The following PLPPR1 variants were observed in gnomAD, a reference collection of about 807,000 sequenced individuals.
The protein encoded by PLPPR1 is phospholipid phosphatase-related protein type 1.
Under a neutral mutation model 33.1 loss-of-function variants are expected in PLPPR1, and 10 were observed. That is an observed-to-expected ratio of 0.30 (90% CI 0.19 to 0.51). The LOEUF (loss-of-function observed/expected upper bound fraction) is 0.51, where lower values mean the gene tolerates loss of function less well. Among genes scored for constraint, PLPPR1 ranks in the 20% least tolerant of loss-of-function variants. The pLI is 0.97. For missense variants in PLPPR1, 304 were observed against 408.1 expected (o/e 0.74, Z 2.20); for synonymous variants, 151 against 151.0 (o/e 1.00, Z 0.00).
intron 4 of PLPPR1, among the ~76,000 whole-genome samples, chr9:101,289,495 C>G (rs1003984786): frequency 6.6e-6 from 1 of 152,158 alleles, no homozygotes; most frequent in African/African-American, 2.4e-5. Context: ...GTGTCTCTAC[C>G]CAAATCTCAT....
chr9:101,145,277 C>A (rs989539238), intron 1 of PLPPR1, among the ~76,000 whole-genome samples: 1 of 152,152 alleles, frequency 6.6e-6, no homozygotes, highest in Non-Finnish European at 1.5e-5. Context: ...GTGTTCTCAC[C>A]ACAAACAAAT....
chr9:101,318,464 A>G (rs1459371025), intron 7 of PLPPR1, among the ~76,000 whole-genome samples: 2 of 151,916 alleles, frequency 1.3e-5, no homozygotes, highest in Non-Finnish European at 2.9e-5. Flanking sequence ...CCTATTTCAC[A>G]GGTAAAGATA....
chr9:101,321,843 T>G (rs1482736390), intron 7 of PLPPR1, among the ~76,000 whole-genome samples: 1 of 148,380 alleles, frequency 6.7e-6, no homozygotes, highest in Admixed American at 6.8e-5. Flanking sequence ...TATCATTTAA[T>G]TTTGATTGGT....
intron 1 of PLPPR1, among the ~76,000 whole-genome samples, chr9:101,168,732 T>C (rs1027929552): frequency 6.6e-6 from 1 of 152,138 alleles, no homozygotes; most frequent in Non-Finnish European, 1.5e-5. Context: ...TTCTCAATGC[T>C]CGTCTTCAAA....
At chr9:101,300,424 G>A (rs962609875) in intron 4 of PLPPR1, among the ~76,000 whole-genome samples, 11 of 152,166 alleles carry the variant, frequency 7.2e-5, no homozygotes, top group African/African-American at 2.4e-4. Flanking sequence ...TCCAGCCTCA[G>A]CCTTCCAGAG....
chr9:101,205,227 G>T (rs1826566803), intron 2 of PLPPR1, among the ~76,000 whole-genome samples: 1 of 152,166 alleles, frequency 6.6e-6, no homozygotes, highest in African/African-American at 2.4e-5. Context: ...GTTAAAAAAT[G>T]TAGATTCCTG....
At chr9:101,059,060 T>A (rs1830311794) in intron 1 of PLPPR1, among the ~76,000 whole-genome samples, 1 of 152,080 alleles carries the variant, frequency 6.6e-6, no homozygotes, top group Non-Finnish European at 1.5e-5. Context: ...TGAAATAACT[T>A]TTTGGTCTGT....
chr9:101,195,836 G>C (rs1319802977), intron 2 of PLPPR1, among the ~76,000 whole-genome samples: 2 of 152,144 alleles, frequency 1.3e-5, no homozygotes, highest in Non-Finnish European at 2.9e-5. Context: ...TTTAAACCAA[G>C]CATTCTTCAT....
chr9:101,307,121 G>C (rs745559863), intron 4 of PLPPR1, among the ~76,000 whole-genome samples: 1 of 152,204 alleles, frequency 6.6e-6, no homozygotes, highest in Non-Finnish European at 1.5e-5. Flanking sequence ...GAAGCCAGCA[G>C]AAGAAACAGA....
At chr9:101,184,841 A>G (rs1012820562) in intron 1 of PLPPR1, among the ~76,000 whole-genome samples, 3 of 151,944 alleles carry the variant, frequency 2.0e-5, no homozygotes, top group Admixed American at 6.6e-5. Context: ...TTATGCCTTT[A>G]CTGTTTTATG....
At chr9:101,310,959 A>G (rs533575964) in intron 5 of PLPPR1, among the ~76,000 whole-genome samples, 51 of 152,322 alleles carry the variant, frequency 3.3e-4, no homozygotes, top group South Asian at 1.2e-3. Flanking sequence ...AAACCAAACC[A>G]AAAAACCTCT....
chr9:101,124,114 C>A (rs1831212631), intron 1 of PLPPR1, among the ~76,000 whole-genome samples: 1 of 152,158 alleles, frequency 6.6e-6, no homozygotes, highest in Non-Finnish European at 1.5e-5. Context: ...TTTAATTGAG[C>A]AAGGCACTTT....
chr9:101,319,631 C>G (rs1829117110), intron 7 of PLPPR1, among the ~76,000 whole-genome samples: 2 of 152,112 alleles, frequency 1.3e-5, no homozygotes, highest in South Asian at 4.1e-4. Flanking sequence ...AAAAATATTT[C>G]TGGTTTATTT....
rs1403493346 is a variant in PLPPR1 at position 101,091,135 on chromosome 9, G to GT, written c.-46+62036dup. On this transcript the variant is annotated intron_variant, in intron 1 of 7. Transcript: ENST00000374874. ...TATTGCAGAACTCCAAATTCAATGT[G>GT]TTTAGAAGTGAATCAACACCTTTCT... Among the ~76,000 whole-genome samples, 5 of 152,160 alleles carry GT rather than the reference G, an allele frequency of 3.3e-5. No homozygotes were observed. In the East Asian group the frequency reaches 9.7e-4, roughly 29 times the overall value.
At chr9:101,066,537 T>G (rs1022606065) in intron 1 of PLPPR1, among the ~76,000 whole-genome samples, 4 of 152,036 alleles carry the variant, frequency 2.6e-5, no homozygotes, top group African/African-American at 9.7e-5. Context: ...CCCTCATTTA[T>G]TTACTTAATC....
intron 2 of PLPPR1, among the ~76,000 whole-genome samples, chr9:101,246,125 T>TAGA: frequency 7.1e-6 from 1 of 141,644 alleles, no homozygotes; most frequent in Non-Finnish European, 1.5e-5. Context: ...GATAGATAGA[T>TAGA]TTGTATAAGC....
chr9:101,128,185 C>A (rs1381158385), intron 1 of PLPPR1, among the ~76,000 whole-genome samples: 1 of 151,916 alleles, frequency 6.6e-6, no homozygotes, highest in Non-Finnish European at 1.5e-5. Flanking sequence ...AAAACTGGGA[C>A]CATAGTTTTA....
At chr9:101,203,210 A>G (rs1826523316) in intron 2 of PLPPR1, among the ~76,000 whole-genome samples, 1 of 152,208 alleles carries the variant, frequency 6.6e-6, no homozygotes, top group East Asian at 1.9e-4. Flanking sequence ...TATGTCTTCT[A>G]TAACCAGGCT....
chr9:101,059,705 A>G (rs942028478), intron 1 of PLPPR1, among the ~76,000 whole-genome samples: 4 of 152,128 alleles, frequency 2.6e-5, no homozygotes, highest in African/African-American at 7.2e-5. Context: ...GCCATCAGGT[A>G]TATGACAAAA....
Sources: allele counts gnomAD v4.1 joint callset (sites outside exome capture counted in the v4.1 genomes callset), GRCh38; gene constraint gnomAD v4.1.1; transcripts MANE v1.5; gene names NCBI Gene and HGNC (gene_info 2026-07-23, HGNC 2026-07-21).